The following NTM variants were observed in gnomAD, a reference collection of about 807,000 sequenced individuals.
NTM encodes IgLON family member 2.
In NTM, 13 loss-of-function variants were observed where a neutral mutation model predicts 42.1. The ratio of observed to expected loss-of-function variants is 0.31; its 90% CI spans 0.20 to 0.49. The LOEUF is 0.49. Among genes scored for constraint, NTM ranks in the 20% least tolerant of loss-of-function variants. The pLI, the probability that NTM is intolerant of heterozygous loss-of-function variation, is 0.99. For missense variants in NTM, 373 were observed against 452.8 expected (o/e 0.82, Z 1.60); for synonymous variants, 187 against 179.2 (o/e 1.04, Z -0.35).
At chr11:131,600,079 G>C (rs117325724) in intron 1 of NTM, among the ~76,000 whole-genome samples, 2,953 of 152,326 alleles carry the variant, frequency 0.019, 49 homozygotes, top group Middle Eastern at 0.051. Context: ...GGAGGAACTT[G>C]CTCAATCGGC....
intron 1 of NTM, among the ~76,000 whole-genome samples, chr11:131,542,881 C>G (rs1474991422): frequency 6.6e-6 from 1 of 152,058 alleles, no homozygotes; most frequent in Non-Finnish European, 1.5e-5. Context: ...GTTGCTTAGG[C>G]TTGAGCCCTG....
At chr11:131,637,131 C>T (rs369725444) in intron 1 of NTM, among the ~76,000 whole-genome samples, 7 of 152,078 alleles carry the variant, frequency 4.6e-5, no homozygotes, top group African/African-American at 1.4e-4. Flanking sequence ...CTCCATTTCC[C>T]GGTCAGCTCC....
intron 1 of NTM, among the ~76,000 whole-genome samples, chr11:131,414,317 A>G (rs952333026): frequency 2.6e-5 from 4 of 152,168 alleles, no homozygotes; most frequent in Non-Finnish European, 5.9e-5. Context: ...TTCCCTCTCC[A>G]GGACTGAGTG....
At position 132,146,500 on chromosome 11, in the gene NTM, A is replaced by G; in HGVS notation, c.386A>G (p.His129Arg). The G allele has an allele frequency of 1.2e-6, 2 of 1,614,118 alleles. No homozygotes were observed. The highest frequency in any genetic ancestry group is 1.1e-5 in the South Asian group (1 of 91,072). Residue 129 changes from histidine (H) to arginine (R), a missense_variant, in exon 3 of 9, where the codon CAC becomes CGC. His to Arg is a conservative substitution (Grantham distance 29). This residue lies in a region of NTM where 312 missense variants were observed against 353.5 expected (regional missense o/e 0.88). Coordinates refer to ENST00000683400, the MANE Select transcript of NTM (RefSeq NM_001352005.2). The surrounding 1 kb of genome is among the most constrained non-coding windows in gnomAD (Gnocchi z 4.5). ...AACCACCCAAAGACCTCTAGGGTCC[A>G]CCTCATTGTGCAAGGTAGGTGGGCG... ...TDNHPKTSRVHLIVQVSPKIV... is the reference protein window; with the variant it reads ...TDNHPKTSRVRLIVQVSPKIV...
chr11:131,857,935 GA>G (rs1235116260), intron 1 of NTM, among the ~76,000 whole-genome samples: 3 of 151,982 alleles, frequency 2.0e-5, no homozygotes, highest in Non-Finnish European at 4.4e-5. Context: ...TAACATAAAA[GA>G]CCCTTTATTG....
At chr11:131,538,427 A>G (rs987590216) in intron 1 of NTM, 7 of 152,180 alleles carry the variant, frequency 4.6e-5, no homozygotes, top group Admixed American at 4.6e-4. Flanking sequence ...GTTTCTATTC[A>G]AGTCAAGAAT....
intron 1 of NTM, among the ~76,000 whole-genome samples, chr11:131,837,619 G>T (rs1424184778): frequency 6.6e-6 from 1 of 152,118 alleles, no homozygotes; most frequent in Non-Finnish European, 1.5e-5. Flanking sequence ...GGGTGGTCCC[G>T]GATCCTCTGT....
At position 131,496,835 on chromosome 11, in the gene NTM, A is replaced by T. The variant is rs1359988764; in HGVS notation, c.82+125947A>T. 6.6e-5 allele frequency among the ~76,000 whole-genome samples: 10 copies of T among 152,300 alleles called. 1 individual carries two copies. The East Asian group carries it at 1.9e-3, about 29-fold the overall frequency. On this transcript the variant is annotated intron_variant, in intron 1 of 8. Coordinates refer to ENST00000683400, the MANE Select transcript of NTM (RefSeq NM_001352005.2). ...GGTGATATTAACATGATTAGCATGG[A>T]TAATACGAAAAATGACAGCAACTTG...
rs561411818 is a variant in NTM at position 131,833,400 on chromosome 11, A to G, written c.83-78164A>G. On this transcript the variant is annotated intron_variant, in intron 1 of 8. Transcript: ENST00000683400. ...CTACCTCATGTAACCCCCAGCATAC[A>G]CCATGAAGTAGATACTAATTGTATC... is the stretch of plus-strand genomic sequence containing the variant. Among the ~76,000 whole-genome samples, 155 of 152,344 alleles carry G rather than the reference A, an allele frequency of 1.0e-3. 1 individual carries two copies. The highest frequency in any genetic ancestry group is 3.4e-3 in the Middle Eastern group (1 of 294).
chr11:132,142,038 C>T (rs891397543), intron 2 of NTM, among the ~76,000 whole-genome samples: 15 of 152,184 alleles, frequency 9.9e-5, no homozygotes, highest in Non-Finnish European at 8.8e-5. Flanking sequence ...CTCAAGGGAA[C>T]CTCTGTCCCT....
intron 2 of NTM, among the ~76,000 whole-genome samples, chr11:131,976,259 C>A (rs2064367511): frequency 6.6e-6 from 1 of 151,866 alleles, no homozygotes; most frequent in Non-Finnish European, 1.5e-5. Context: ...GTGATAAGAG[C>A]ACAAAGGGGA....
At chr11:131,811,812 T>C (rs1333303929) in intron 1 of NTM, among the ~76,000 whole-genome samples, 1 of 152,166 alleles carries the variant, frequency 6.6e-6, no homozygotes, top group East Asian at 1.9e-4. Flanking sequence ...TGTCCTAGTG[T>C]TGGAATATTA....
intron 1 of NTM, among the ~76,000 whole-genome samples, chr11:131,501,777 T>G (rs550202501): frequency 1.6e-4 from 24 of 152,290 alleles, no homozygotes; most frequent in Non-Finnish European, 3.4e-4. Context: ...GCAAAATCAC[T>G]GGCGATTGCA....
At chr11:131,606,418 T>C (rs2060964828) in intron 1 of NTM, among the ~76,000 whole-genome samples, 1 of 152,224 alleles carries the variant, frequency 6.6e-6, no homozygotes, top group Admixed American at 6.5e-5. Flanking sequence ...AGTCAATGAA[T>C]ATTTGTTAAA....
rs570253268 is a variant in NTM at position 131,953,920 on chromosome 11, G to T, written c.167+42272G>T. On this transcript the variant is annotated intron_variant, in intron 2 of 8. Coordinates refer to ENST00000683400, the MANE Select transcript of NTM (RefSeq NM_001352005.2). ...TGAATCTGATGAACCAAGCCACTCC[G>T]TGGAGATGGAGAAAGCCAGCCTTTC... is the stretch of plus-strand genomic sequence containing the variant. Among the ~76,000 whole-genome samples the T allele has an allele frequency of 2.6e-5, 4 of 152,282 alleles. No individual in the cohort carries two copies. The East Asian group carries it at 7.7e-4, about 29-fold the overall frequency.
At chr11:132,036,582 AG>A (rs1220490564) in intron 2 of NTM, among the ~76,000 whole-genome samples, 2 of 152,178 alleles carry the variant, frequency 1.3e-5, no homozygotes, top group Non-Finnish European at 2.9e-5. Context: ...AATGTCACCA[AG>A]CGAATGGTGT....
chr11:131,811,276 A>G (rs557687851), intron 1 of NTM, among the ~76,000 whole-genome samples: 3 of 152,336 alleles, frequency 2.0e-5, no homozygotes, highest in African/African-American at 7.2e-5. Context: ...TTGTGTCCTC[A>G]TAGCAGAACA....
At chr11:131,486,807 AG>A (rs1038783304) in intron 1 of NTM, among the ~76,000 whole-genome samples, 5 of 151,932 alleles carry the variant, frequency 3.3e-5, no homozygotes, top group Non-Finnish European at 7.4e-5. Flanking sequence ...TCTCTCATTT[AG>A]TCTTGCTCAA....
intron 3 of NTM, among the ~76,000 whole-genome samples, chr11:132,192,626 A>G (rs1220746423): frequency 6.6e-6 from 1 of 152,186 alleles, no homozygotes; most frequent in African/African-American, 2.4e-5. Flanking sequence ...TAACAACATA[A>G]TGACAGGATA....
Sources: allele counts gnomAD v4.1 joint callset (sites outside exome capture counted in the v4.1 genomes callset), GRCh38; gene constraint gnomAD v4.1.1; regional missense constraint gnomAD v4.1.1; non-coding constraint Gnocchi (gnomAD v3.1); transcripts MANE v1.5; gene names NCBI Gene and HGNC (gene_info 2026-07-23, HGNC 2026-07-21).